Variants in RTN4RL1 observed in about 807,000 individuals in gnomAD.
RTN4RL1 encodes the protein reticulon-4 receptor-like 1.
Under a neutral mutation model 25.6 loss-of-function variants are expected in RTN4RL1, and 7 were observed. The observed-to-expected ratio is 0.27, with a 90% CI of 0.16 to 0.51. RTN4RL1 has a LOEUF of 0.51. Among genes scored for constraint, RTN4RL1 ranks in the 20% least tolerant of loss-of-function variants. The probability of loss-of-function intolerance (pLI) is 0.97; values close to 1 mark genes in which losing one functional copy is unlikely to be tolerated. For synonymous variants in RTN4RL1, 297 were observed against 288.2 expected, an observed-to-expected ratio of 1.03 and a Z score of -0.31; for missense variants, 500 against 615.6, an observed-to-expected ratio of 0.81 and a Z score of 1.99.
chr17:1,997,434 G>T (rs2066934146), intron 1 of RTN4RL1, among the ~76,000 whole-genome samples: 1 of 152,176 alleles, frequency 6.6e-6, no homozygotes. Flanking sequence ...GTCCAACCAC[G>T]ATCTGAAATC....
At chr17:1,999,094 TCACACACACACA>T (rs59609042) in intron 1 of RTN4RL1, among the ~76,000 whole-genome samples, 3 of 147,276 alleles carry the variant, frequency 2.0e-5, no homozygotes. Flanking sequence ...ACATGCGCGA[TCACACACACACA>T]CACACACACA....
chr17:1,964,788 C>CTTTTTTT lies in RTN4RL1; in HGVS notation c.14-26987_14-26981dup, dbSNP rs34138766. 2.2e-3 allele frequency among the ~76,000 whole-genome samples: 279 copies of CTTTTTTT among 124,684 alleles called. 1 individual carries two copies. Among genetic ancestry groups the CTTTTTTT allele is most frequent in the Non-Finnish European group, 3.0e-3 (184 of 60,592 alleles). The allele number at this position is 124,684 out of a possible 152,430, so 81.8% of individuals were successfully genotyped here. A position where few individuals can be genotyped will look rare whatever the true frequency, so the allele number is the denominator to read the frequency against. On this transcript the variant is annotated intron_variant, in intron 1 of 1. Coordinates refer to ENST00000331238, the MANE Select transcript of RTN4RL1 (RefSeq NM_178568.4). ...TTACAGTTTGCATTTCTTTTCTTTT[C>CTTTTTTT]TTTTTTTTTTTTTTTTTTGAGATGG...
At chr17:2,005,866 G>C (rs1318289121) in intron 1 of RTN4RL1, among the ~76,000 whole-genome samples, 3 of 148,768 alleles carry the variant, frequency 2.0e-5, no homozygotes, top group Admixed American at 1.3e-4. Context: ...GCGCAATCTC[G>C]GTTCACTGCA....
At chr17:1,982,983 G>A (rs1376826326) in intron 1 of RTN4RL1, among the ~76,000 whole-genome samples, 1 of 152,146 alleles carries the variant, frequency 6.6e-6, no homozygotes, top group Non-Finnish European at 1.5e-5. Context: ...CCCGCAAACT[G>A]GGCAAGTGCC....
chr17:1,999,480 G>C (rs902682537), intron 1 of RTN4RL1, among the ~76,000 whole-genome samples: 3 of 147,918 alleles, frequency 2.0e-5, no homozygotes, highest in African/African-American at 7.5e-5. Context: ...ACACACACAT[G>C]AACTGCCCCA....
intron 1 of RTN4RL1, among the ~76,000 whole-genome samples, chr17:1,950,914 G>C (rs1450727515): frequency 4.3e-5 from 6 of 140,810 alleles, no homozygotes; most frequent in African/African-American, 1.6e-4. Flanking sequence ...CTCTCTCTCT[G>C]TCTCTCTTTC....
intron 1 of RTN4RL1, among the ~76,000 whole-genome samples, chr17:2,014,032 T>C (rs2074742361): frequency 6.6e-6 from 1 of 152,218 alleles, no homozygotes; most frequent in African/African-American, 2.4e-5. Flanking sequence ...TCCTGGCATT[T>C]CCTTGGATCA....
chr17:1,943,400 G>A (rs963845486), intron 1 of RTN4RL1, among the ~76,000 whole-genome samples: 1 of 152,220 alleles, frequency 6.6e-6, no homozygotes, highest in Non-Finnish European at 1.5e-5. Flanking sequence ...AGCACCGAAG[G>A]GACTGCCCCT....
intron 1 of RTN4RL1, among the ~76,000 whole-genome samples, chr17:1,954,714 C>A (rs184689585): frequency 9.2e-5 from 14 of 152,290 alleles, no homozygotes; most frequent in African/African-American, 3.1e-4. Flanking sequence ...CTCTCCACCC[C>A]AGAGGCGCAG....
intron 1 of RTN4RL1, among the ~76,000 whole-genome samples, chr17:2,017,280 A>T (rs1238472031): frequency 1.3e-5 from 2 of 151,996 alleles, no homozygotes; most frequent in Admixed American, 1.3e-4. Context: ...TTTGGGAAAG[A>T]CCCTTGCTCA....
At chr17:1,956,312 T>G (rs1278601127) in intron 1 of RTN4RL1, among the ~76,000 whole-genome samples, 1 of 152,004 alleles carries the variant, frequency 6.6e-6, no homozygotes, top group East Asian at 1.9e-4. Context: ...AAGATCCAGG[T>G]AGCTATGAGA....
intron 1 of RTN4RL1, among the ~76,000 whole-genome samples, chr17:2,021,026 G>A (rs938664756): frequency 2.0e-5 from 3 of 152,154 alleles, no homozygotes; most frequent in Admixed American, 6.5e-5. Context: ...TGGTTTTGCC[G>A]GCTAGGCCAC....
chr17:2,001,928 G>GGGGGAGGGGGC (rs1555520653), intron 1 of RTN4RL1, among the ~76,000 whole-genome samples: 1 of 20,606 alleles, frequency 4.9e-5, no homozygotes, highest in African/African-American at 1.3e-4. Context: ...CTTCAGCCCT[G>GGGGGAGGGGGC]GGGGAGGGGA....
Position 1,936,567 on chromosome 17 carries a change from C to G in RTN4RL1, c.1255G>C (p.Ala419Pro). Reference protein sequence around the residue: ...PIRAPSGVQQASSASSLGASL... With the variant: ...PIRAPSGVQQPSSASSLGASL... The stretch of plus-strand genomic sequence containing the variant: ...GCCCCCAGGGAACTGGCCGAGGAGG[C>G]CTGCTGCACCCCGCTGGGGGCACGG... Residue 419 changes from alanine (A) to proline (P), a missense_variant, in exon 2 of 2, where the codon GCC (alanine) becomes CCC (proline). Coordinates refer to ENST00000331238, the MANE Select transcript of RTN4RL1 (RefSeq NM_178568.4). The G allele has an allele frequency of 1.3e-6, 2 of 1,565,674 alleles. No individual in the cohort carries two copies. The highest frequency in any genetic ancestry group is 1.7e-6 in the Non-Finnish European group (2 of 1,155,948).
At chr17:1,999,825 T>C (rs555320893) in intron 1 of RTN4RL1, among the ~76,000 whole-genome samples, 67 of 152,220 alleles carry the variant, frequency 4.4e-4, no homozygotes, top group Non-Finnish European at 8.1e-4. Flanking sequence ...AATAGCCACC[T>C]CCCTCCCGGC....
At chr17:1,988,403 CAAAA>C (rs398030159) in intron 1 of RTN4RL1, among the ~76,000 whole-genome samples, 2 of 77,216 alleles carry the variant, frequency 2.6e-5, no homozygotes, top group African/African-American at 1.1e-4. Context: ...GACTCCGCCT[CAAAA>C]AAAAAAAAAA....
chr17:2,020,729 A>G (rs149263320), intron 1 of RTN4RL1: 52 of 152,364 alleles, frequency 3.4e-4, no homozygotes, highest in Non-Finnish European at 2.9e-4. Context: ...TAAATTATTA[A>G]TTAGACTGCC....
chr17:1,937,511 T>C lies in RTN4RL1; in HGVS notation c.311A>G (p.Glu104Gly). 6.2e-7 allele frequency: 1 copy of C among 1,613,792 alleles called. No homozygotes were observed. The highest frequency in any genetic ancestry group is 8.5e-7 in the Non-Finnish European group (1 of 1,179,832). ...CTGCCGGTTGTCGCCGAGGTCCAGC[T>C]CCTCCAGGTGCACGAAGCCCTCGAA... The part of the protein sequence containing the change: ...STFEGFVHLE[E>G]LDLGDNRQLR... Residue 104 changes from glutamate to glycine, a missense_variant, in exon 2 of 2, where the codon GAG becomes GGG. By Grantham distance (98) the Glu-to-Gly change is moderately conservative. Around this residue, in one of 2 missense-constraint regions of RTN4RL1, gnomAD observed 232 missense variants for 341.1 expected, o/e 0.68. Transcript: ENST00000331238.
chr17:1,990,177 C>T (rs976397291), intron 1 of RTN4RL1, among the ~76,000 whole-genome samples: 6 of 151,864 alleles, frequency 4.0e-5, no homozygotes, highest in African/African-American at 2.4e-5. Flanking sequence ...CTGATCAACA[C>T]GGTGAAACCC....
Sources: gnomAD v4.1 joint callset for allele counts (sites outside exome capture counted in the v4.1 genomes callset) on GRCh38, gnomAD v4.1.1 for gene constraint, gnomAD v4.1.1 regional missense constraint, MANE v1.5 for transcripts, NCBI Gene and HGNC (gene_info 2026-07-23, HGNC 2026-07-21) for gene names.